Variants in STAC observed in about 807,000 individuals in gnomAD.
The protein encoded by STAC is SH3 and cysteine rich domain.
A neutral mutation model predicts 48.8 loss-of-function variants in STAC; 43 were observed. That is an observed-to-expected ratio of 0.88 (90% CI 0.69 to 1.14). The LOEUF (loss-of-function observed/expected upper bound fraction) is 1.14. Among genes scored for constraint, STAC ranks in the 50% most tolerant of loss-of-function variants. The pLI is 0.00. For missense variants in STAC, 497 were observed against 504.0 expected (o/e 0.99, Z 0.13); for synonymous variants, 193 against 179.5 (o/e 1.07, Z -0.60).
At chr3:36,422,698 C>A (rs1179697678) in intron 1 of STAC, among the ~76,000 whole-genome samples, 1 of 152,024 alleles carries the variant, frequency 6.6e-6, no homozygotes, top group Non-Finnish European at 1.5e-5. Context: ...ACATATTTAG[C>A]CCCACTGATA....
chr3:36,404,651 A>C (rs1218118745), intron 1 of STAC, among the ~76,000 whole-genome samples: 2 of 152,200 alleles, frequency 1.3e-5, no homozygotes, highest in African/African-American at 4.8e-5. Context: ...GAAAAATATT[A>C]TTAAAATTTG....
chr3:36,426,247 T>C (rs181963921), intron 1 of STAC, among the ~76,000 whole-genome samples: 1 of 152,280 alleles, frequency 6.6e-6, no homozygotes, highest in East Asian at 1.9e-4. Context: ...TTCTTAATTA[T>C]TAGGAGGAAG....
intron 10 of STAC, among the ~76,000 whole-genome samples, chr3:36,529,930 G>A (rs1179866641): frequency 1.3e-5 from 2 of 152,122 alleles, no homozygotes; most frequent in Admixed American, 6.5e-5. Flanking sequence ...GACCATCCTA[G>A]CCAATATAAT....
intron 2 of STAC, among the ~76,000 whole-genome samples, chr3:36,474,050 G>A (rs957281050): frequency 2.0e-5 from 3 of 152,136 alleles, no homozygotes; most frequent in Non-Finnish European, 2.9e-5. Flanking sequence ...TAGCAATAGC[G>A]TGTGCATGCT....
chr3:36,510,969 A>T (rs923819710), intron 8 of STAC, among the ~76,000 whole-genome samples: 9 of 150,206 alleles, frequency 6.0e-5, no homozygotes, highest in East Asian at 1.9e-4. Context: ...AAATATATTT[A>T]TATATATATA....
chr3:36,495,553 C>A (rs899518414), intron 6 of STAC, among the ~76,000 whole-genome samples: 4 of 152,226 alleles, frequency 2.6e-5, no homozygotes, highest in African/African-American at 9.6e-5. Flanking sequence ...TGCTGCTTCT[C>A]AAAATTATGC....
rs1055595322 is a variant in STAC at position 36,380,928 on chromosome 3, G to A, written c.111+174G>A. On this transcript the variant is annotated intron_variant, in intron 1 of 10. Coordinates refer to ENST00000273183, the MANE Select transcript of STAC (RefSeq NM_003149.3). ...CCCGCTGCTCACGATGCTGGACCAC[G>A]TCCCTGTGGACCCAGCCTTCCCGCC... is the stretch of plus-strand genomic sequence containing the variant. 5.3e-5 allele frequency among the ~76,000 whole-genome samples: 6 copies of A among 112,902 alleles called. No homozygotes were observed. In the Admixed American group the frequency reaches 5.8e-4, roughly 11 times the overall value. The allele number at this position is 112,902 out of a possible 152,430, so 74.1% of individuals were successfully genotyped here. A position where few individuals can be genotyped will look rare whatever the true frequency, so the allele number is the denominator to read the frequency against.
chr3:36,487,704 A>G (rs1343171456), intron 5 of STAC, among the ~76,000 whole-genome samples: 1 of 152,226 alleles, frequency 6.6e-6, no homozygotes, highest in Non-Finnish European at 1.5e-5. Flanking sequence ...AAGATTGAGA[A>G]CGTAACATAC....
At chr3:36,454,900 A>G (rs1048737832) in intron 2 of STAC, among the ~76,000 whole-genome samples, 1 of 152,204 alleles carries the variant, frequency 6.6e-6, no homozygotes, top group Non-Finnish European at 1.5e-5. Flanking sequence ...GATGTTTGCA[A>G]GTGCTTTGGT....
intron 6 of STAC, among the ~76,000 whole-genome samples, chr3:36,496,020 C>T (rs903371412): frequency 6.6e-6 from 1 of 152,158 alleles, no homozygotes; most frequent in African/African-American, 2.4e-5. Flanking sequence ...CACACAATAT[C>T]CCCCGTATAG....
At chr3:36,475,431 T>C in intron 2 of STAC, among the ~76,000 whole-genome samples, 1 of 152,250 alleles carries the variant, frequency 6.6e-6, no homozygotes, top group East Asian at 1.9e-4. Flanking sequence ...CCATTATTTA[T>C]GTGTTTAGTC....
At chr3:36,385,752 T>C (rs1434412065) in intron 1 of STAC, among the ~76,000 whole-genome samples, 2 of 152,118 alleles carry the variant, frequency 1.3e-5, no homozygotes, top group Non-Finnish European at 2.9e-5. Flanking sequence ...AATTGAATCA[T>C]ACAATATTTT....
chr3:36,533,695 T>C (rs1382318846), intron 10 of STAC, among the ~76,000 whole-genome samples: 5 of 152,090 alleles, frequency 3.3e-5, no homozygotes, highest in African/African-American at 1.2e-4. Context: ...CTGGGCCTCA[T>C]ACCTGCATTC....
chr3:36,478,774 C>T (rs1053997431), intron 2 of STAC, among the ~76,000 whole-genome samples: 2 of 152,232 alleles, frequency 1.3e-5, no homozygotes, highest in South Asian at 4.1e-4. Context: ...AGGCATGAAC[C>T]ACCGCACCCG....
intron 2 of STAC, among the ~76,000 whole-genome samples, chr3:36,451,273 T>C (rs1696671647): frequency 2.0e-5 from 3 of 152,220 alleles, no homozygotes; most frequent in Admixed American, 2.0e-4. Context: ...TCTACATTTC[T>C]CAAATTATTA....
chr3:36,478,517 C>T (rs1224163782), intron 2 of STAC, among the ~76,000 whole-genome samples: 3 of 151,934 alleles, frequency 2.0e-5, no homozygotes, highest in Admixed American at 6.6e-5. Flanking sequence ...TTTATTGAGA[C>T]GGAATCTCAC....
intron 1 of STAC, among the ~76,000 whole-genome samples, chr3:36,439,710 A>G (rs989801723): frequency 3.5e-4 from 53 of 152,190 alleles, no homozygotes; most frequent in South Asian, 6.2e-4. Flanking sequence ...TGAAGTGAAG[A>G]GGGTCTGTAC....
intron 1 of STAC, among the ~76,000 whole-genome samples, chr3:36,412,224 A>G (rs1575182198): frequency 6.6e-6 from 1 of 152,142 alleles, no homozygotes; most frequent in African/African-American, 2.4e-5. Flanking sequence ...AAATGGCAGG[A>G]GGGCTGCTGT....
intron 1 of STAC, among the ~76,000 whole-genome samples, chr3:36,434,871 T>G (rs1436906291): frequency 6.6e-6 from 1 of 152,224 alleles, no homozygotes; most frequent in Non-Finnish European, 1.5e-5. Context: ...GTAGTGTTGC[T>G]CAACCTGGCA....
Sources: allele counts gnomAD v4.1 joint callset (sites outside exome capture counted in the v4.1 genomes callset), GRCh38; gene constraint gnomAD v4.1.1; transcripts MANE v1.5; gene names NCBI Gene and HGNC (gene_info 2026-07-23, HGNC 2026-07-21).